The following KSR2 variants were observed in gnomAD, a reference collection of about 807,000 sequenced individuals.
KSR2 encodes the protein kinase suppressor of ras 2.
In KSR2, 25 loss-of-function variants were observed where a neutral mutation model predicts 107.8. The observed-to-expected ratio is 0.23, with a 90% CI of 0.17 to 0.32. KSR2 has a LOEUF of 0.32. Among genes scored for constraint, KSR2 ranks in the 10% least tolerant of loss-of-function variants. The pLI, the probability that KSR2 is intolerant of heterozygous loss-of-function variation, is 1.00. For missense variants in KSR2, 887 were observed against 1,268.9 expected, an observed-to-expected ratio of 0.70 and a Z score of 4.57; for synonymous variants, 480 against 507.0, an observed-to-expected ratio of 0.95 and a Z score of 0.71.
intron 5 of KSR2, among the ~76,000 whole-genome samples, chr12:117,634,890 AG>A (rs1882989067): frequency 6.6e-6 from 1 of 152,204 alleles, no homozygotes; most frequent in Admixed American, 6.5e-5. Context: ...GAGATGTGAG[AG>A]AAGTTATCCA....
intron 5 of KSR2, among the ~76,000 whole-genome samples, chr12:117,609,778 T>C (rs1231778096): frequency 6.6e-6 from 1 of 152,156 alleles, no homozygotes; most frequent in South Asian, 2.1e-4. Flanking sequence ...CTGGGCATTG[T>C]AAGATATTGA....
At position 117,855,374 on chromosome 12, in the gene KSR2, C is replaced by T. The variant is rs16948013; in HGVS notation, c.472+54G>A. On this transcript the variant is annotated intron_variant, in intron 3 of 19. Coordinates refer to ENST00000339824, the MANE Select transcript of KSR2 (RefSeq NM_173598.6). The stretch of plus-strand genomic sequence containing the variant: ...GCGGGCACGGGATGCCGAGGGACCG[C>T]GGCAGCTGTGCTGGGGACAAGTCTC... 6,060 of 1,604,324 alleles carry T rather than the reference C, an allele frequency of 3.8e-3. 194 individuals are homozygous for T. The African/African-American group carries it at 0.07, about 18-fold the overall frequency.
At chr12:117,930,862 C>G (rs1895675970) in intron 1 of KSR2, among the ~76,000 whole-genome samples, 1 of 152,040 alleles carries the variant, frequency 6.6e-6, no homozygotes, top group African/African-American at 2.4e-5. Flanking sequence ...TGCAGTGAGC[C>G]AAGATTGCAC....
At chr12:117,754,661 G>T (rs1565996765) in intron 4 of KSR2, among the ~76,000 whole-genome samples, 1 of 150,958 alleles carries the variant, frequency 6.6e-6, no homozygotes, top group African/African-American at 2.4e-5. Flanking sequence ...ATTAGCTTGG[G>T]GTGGTGGCAG....
Position 117,761,202 on chromosome 12 carries a change from G to T in KSR2, c.795C>A (p.Pro265=). The change falls in exon 4 of 20, where the codon CCC becomes CCA. Residue 265 remains proline (P), a synonymous_variant. Coordinates refer to ENST00000339824, the MANE Select transcript of KSR2 (RefSeq NM_173598.6). ...GCGGGGTCACGGTGGTGACGATGTTGGGGGTGCGCGGCGGGGTGCGGACCG... is the reference window on the plus strand; with the variant it reads ...GCGGGGTCACGGTGGTGACGATGTTTGGGGTGCGCGGCGGGGTGCGGACCG... ...RHAVRTPPRT[P]NIVTTVTPPG... 1 of 1,578,230 alleles carries T rather than the reference G, an allele frequency of 6.3e-7. No individual in the cohort carries two copies. Among genetic ancestry groups the T allele is most frequent in the Non-Finnish European group, 8.6e-7 (1 of 1,161,246 alleles).
intron 4 of KSR2, among the ~76,000 whole-genome samples, chr12:117,746,079 T>C (rs1428192057): frequency 6.6e-6 from 1 of 152,146 alleles, no homozygotes; most frequent in African/African-American, 2.4e-5. Context: ...TAGAAAAAAC[T>C]ACTTTAAATT....
At chr12:117,566,515 C>T (rs893486266) in intron 7 of KSR2, among the ~76,000 whole-genome samples, 1 of 152,168 alleles carries the variant, frequency 6.6e-6, no homozygotes, top group African/African-American at 2.4e-5. Context: ...CATTAGTTTG[C>T]TAAGGATGAT....
chr12:117,849,292 G>A (rs1372548323), intron 3 of KSR2, among the ~76,000 whole-genome samples: 1 of 152,126 alleles, frequency 6.6e-6, no homozygotes, highest in Non-Finnish European at 1.5e-5. Context: ...ATAATTCATT[G>A]TCTGTGCCCC....
intron 1 of KSR2, among the ~76,000 whole-genome samples, chr12:117,884,883 T>C (rs969070648): frequency 6.6e-6 from 1 of 152,104 alleles, no homozygotes; most frequent in African/African-American, 2.4e-5. Flanking sequence ...ACTTTAAACC[T>C]CACCAGCAAC....
rs1879711400 is a variant in KSR2 at position 117,582,294 on chromosome 12, G to A, written c.1237C>T (p.His413Tyr). The change falls in exon 6 of 20, where the codon CAC (histidine) becomes TAC (tyrosine). Residue 413 changes from histidine (H) to tyrosine (Y), a missense_variant. His to Tyr is a moderately conservative substitution (Grantham distance 83). Coordinates refer to ENST00000339824, the MANE Select transcript of KSR2 (RefSeq NM_173598.6). The stretch of plus-strand genomic sequence containing the variant: ...GCACACAGGAATCCAGCCTACCTGT[G>A]CTTGATGGAGTTGCCGAGATCTCTG... ...PRRDLGNSIK[H>Y]RFSTKYWMSQ... 1 of 1,613,480 alleles carries A rather than the reference G, an allele frequency of 6.2e-7. No individual in the cohort carries two copies. Among genetic ancestry groups the A allele is most frequent in the Non-Finnish European group, 8.5e-7 (1 of 1,179,592 alleles).
chr12:117,550,212 A>G (rs1877194474), intron 9 of KSR2, among the ~76,000 whole-genome samples: 1 of 152,232 alleles, frequency 6.6e-6, no homozygotes, highest in Admixed American at 6.5e-5. Flanking sequence ...CACACAGAGC[A>G]TTAGTGGCAC....
intron 3 of KSR2, among the ~76,000 whole-genome samples, chr12:117,822,224 CT>C (rs1303374751): frequency 6.6e-6 from 1 of 152,166 alleles, no homozygotes; most frequent in Non-Finnish European, 1.5e-5. Flanking sequence ...ACCAGCAGCC[CT>C]TGGGGCTGCT....
chr12:117,716,845 G>GA (rs891288267), intron 4 of KSR2, among the ~76,000 whole-genome samples: 29 of 152,226 alleles, frequency 1.9e-4, no homozygotes, highest in Admixed American at 1.2e-3. Flanking sequence ...AAGTGCCTGG[G>GA]AAAAAAATCT....
chr12:117,550,165 C>T (rs1010541000), intron 9 of KSR2, among the ~76,000 whole-genome samples: 2 of 152,200 alleles, frequency 1.3e-5, no homozygotes, highest in Admixed American at 6.5e-5. Context: ...GGAGGGGATG[C>T]TGAGACTGTA....
At position 117,455,073 on chromosome 12, in the gene KSR2, G is replaced by GAGT. The variant is rs1870544452; in HGVS notation, c.*12125_*12126insACT. 1.2e-5 allele frequency: 1 copy of GAGT among 83,116 alleles called. No individual in the cohort carries two copies. The highest frequency in any genetic ancestry group is 6.4e-5 in the African/African-American group (1 of 15,684). 5.1% of individuals were successfully genotyped at this position (83,116 alleles called of 1,614,324 possible). Reference sequence around the variant, plus strand: ...GAGAGAGAGAGAGAGAGAGAGAGAGGTCTGTAGAGCCAGAGAGGGATGCAG... The same window carrying GAGT: ...GAGAGAGAGAGAGAGAGAGAGAGAGGAGTTCTGTAGAGCCAGAGAGGGATGCAG... On this transcript the variant is annotated 3_prime_UTR_variant, in exon 20 of 20. Coordinates refer to ENST00000339824, the MANE Select transcript of KSR2 (RefSeq NM_173598.6).
rs760383314 is a variant in KSR2 at position 117,968,126 on chromosome 12, T to G, written c.130A>C (p.Lys44Gln). ...SISNLEGLRT[K>Q]CATSNDLTQK... ...GTGAGGTCGTTGGAGGTAGCACATT[T>G]GGTCCTAAGCCCTTCCAGGTTGGAG... is the stretch of plus-strand genomic sequence containing the variant. The change falls in exon 1 of 20, where the codon AAA (lysine) becomes CAA (glutamine). Residue 44 changes from lysine to glutamine, a missense_variant. Around this residue, in one of 8 missense-constraint regions of KSR2, gnomAD observed 21 missense variants for 57.8 expected, o/e 0.36. Transcript: ENST00000339824. 3.1e-6 allele frequency: 5 copies of G among 1,611,286 alleles called. No homozygotes were observed. In the Admixed American group the frequency reaches 8.4e-5, roughly 27 times the overall value.
chr12:117,592,695 A>G (rs1419578244), intron 5 of KSR2, among the ~76,000 whole-genome samples: 1 of 152,222 alleles, frequency 6.6e-6, no homozygotes, highest in Admixed American at 6.5e-5. Flanking sequence ...AATTTATTAA[A>G]GTGCGTCAGG....
chr12:117,550,887 C>T (rs947994881), intron 9 of KSR2, among the ~76,000 whole-genome samples: 2 of 152,142 alleles, frequency 1.3e-5, no homozygotes, highest in Non-Finnish European at 2.9e-5. Flanking sequence ...CCATCCTCCA[C>T]GTCTAGTTTC....
At chr12:117,527,855 G>C (rs1336249963) in intron 12 of KSR2, among the ~76,000 whole-genome samples, 1 of 152,084 alleles carries the variant, frequency 6.6e-6, no homozygotes, top group East Asian at 1.9e-4. Context: ...GGGTGTATTT[G>C]AAAGTTCCCA....
Sources: gnomAD v4.1 joint callset for allele counts (sites outside exome capture counted in the v4.1 genomes callset) on GRCh38, gnomAD v4.1.1 for gene constraint, gnomAD v4.1.1 regional missense constraint, MANE v1.5 for transcripts, NCBI Gene and HGNC (gene_info 2026-07-23, HGNC 2026-07-21) for gene names.